Variants in FNIP1 observed in about 807,000 individuals in gnomAD.
The protein encoded by FNIP1 is folliculin interacting protein 1.
A neutral mutation model predicts 124.5 loss-of-function variants in FNIP1; 40 were observed. The observed-to-expected ratio is 0.32, with a 90% CI of 0.25 to 0.42. The LOEUF is 0.42. Ranked by LOEUF, FNIP1 falls within the 10% of genes least tolerant of loss-of-function variation. The probability of loss-of-function intolerance (pLI) is 1.00; values close to 1 mark genes in which losing one functional copy is unlikely to be tolerated. For missense variants in FNIP1, 1,176 were observed against 1,403.7 expected, an observed-to-expected ratio of 0.84 and a Z score of 2.59; for synonymous variants, 472 against 470.6, an observed-to-expected ratio of 1.00 and a Z score of -0.04.
intron 2 of FNIP1, among the ~76,000 whole-genome samples, chr5:131,742,342 T>C (rs1160962705): frequency 1.3e-5 from 2 of 152,070 alleles, no homozygotes; most frequent in East Asian, 3.9e-4. Context: ...TGCACACCTG[T>C]AATCCCAGCT....
intron 1 of FNIP1, among the ~76,000 whole-genome samples, chr5:131,763,180 A>T (rs961192309): frequency 2.6e-5 from 4 of 152,210 alleles, no homozygotes; most frequent in Non-Finnish European, 5.9e-5. Flanking sequence ...GATTGTATGT[A>T]ACACAAAGGG....
chr5:131,677,365 T>G (rs1767941701), intron 13 of FNIP1, among the ~76,000 whole-genome samples: 1 of 152,228 alleles, frequency 6.6e-6, no homozygotes, highest in South Asian at 2.1e-4. Context: ...ACCAGATTGA[T>G]TTTAGGTATC....
At chr5:131,728,141 G>C (rs943260503) in intron 3 of FNIP1, among the ~76,000 whole-genome samples, 1 of 152,152 alleles carries the variant, frequency 6.6e-6, no homozygotes, top group Non-Finnish European at 1.5e-5. Flanking sequence ...TGGTGAATCT[G>C]ACGATTATGT....
rs186054445 is a variant in FNIP1, at chr5:131,721,525, G to A, written c.355-2108C>T. 3.1e-3 allele frequency among the ~76,000 whole-genome samples: 477 copies of A among 152,100 alleles called. 7 individuals are homozygous for A. Among genetic ancestry groups the A allele is most frequent in the Non-Finnish European group, 3.6e-3 (248 of 67,988 alleles). On this transcript the variant is annotated intron_variant, in intron 3 of 17. Coordinates refer to ENST00000510461, the MANE Select transcript of FNIP1 (RefSeq NM_133372.3). Reference sequence around the variant, plus strand: ...TTTTAAAGACTTCCTTGAGGCTAGCGCGGTGGATCACGCTTGTAATACCAG... The same window carrying A: ...TTTTAAAGACTTCCTTGAGGCTAGCACGGTGGATCACGCTTGTAATACCAG...
chr5:131,677,587 T>C, intron 13 of FNIP1, 116 bp downstream of exon 13: 1 of 940,984 alleles, frequency 1.1e-6, no homozygotes, highest in Non-Finnish European at 1.6e-6. Context: ...AAAGCAGAGA[T>C]GCTTTAGAAT....
intron 15 of FNIP1, 104 bp from the exon 16 acceptor site, chr5:131,652,103 T>A: frequency 5.9e-6 from 6 of 1,009,648 alleles, no homozygotes; most frequent in Non-Finnish European, 8.5e-6. Flanking sequence ...GAAAAAAAAA[T>A]TAAACTTCAA....
intron 11 of FNIP1, among the ~76,000 whole-genome samples, chr5:131,681,819 C>G (rs1363580110): frequency 7.5e-6 from 1 of 133,826 alleles, no homozygotes; most frequent in East Asian, 2.3e-4. Context: ...TAAAAGAAAG[C>G]AGAAAAATTA....
rs372972523 is a variant in FNIP1, at chr5:131,704,237, T to C, written c.944A>G (p.Asp315Gly). 7 of 1,612,950 alleles carry C rather than the reference T, an allele frequency of 4.3e-6. No homozygotes were observed. The East Asian group carries it at 8.9e-5, about 21-fold the overall frequency. The change falls in exon 10 of 18, where the codon GAT (aspartate) becomes GGT (glycine). Residue 315 changes from aspartate to glycine, a missense_variant. Asp to Gly is a moderately conservative substitution (Grantham distance 94, BLOSUM62 -1). Around this residue, in one of 2 missense-constraint regions of FNIP1, gnomAD observed 1,109 missense variants for 1,288.5 expected, o/e 0.86. Coordinates refer to ENST00000510461, the MANE Select transcript of FNIP1 (RefSeq NM_133372.3). ...WSIEESFNLS[D>G]ESCGPNPGIV... Reference sequence around the variant, plus strand: ...TCCTGGGTTAGGGCCACAGCTTTCATCTGAGAGATTAAAGCTTTCTTCTAT... The same window carrying C: ...TCCTGGGTTAGGGCCACAGCTTTCACCTGAGAGATTAAAGCTTTCTTCTAT...
chr5:131,651,624 T>C (rs891067530), intron 16 of FNIP1, among the ~76,000 whole-genome samples, 178 bp downstream of exon 16: 1 of 152,152 alleles, frequency 6.6e-6, no homozygotes, highest in African/African-American at 2.4e-5. Context: ...AATCTTACCT[T>C]AGATACCTCC....
chr5:131,673,945 A>C (rs1767839660), intron 13 of FNIP1, among the ~76,000 whole-genome samples: 1 of 152,142 alleles, frequency 6.6e-6, no homozygotes, highest in Admixed American at 6.5e-5. Flanking sequence ...CTGAGGCTGG[A>C]GAATTACTTG....
intron 1 of FNIP1, among the ~76,000 whole-genome samples, chr5:131,750,656 A>G (rs1296105815): frequency 6.7e-6 from 1 of 148,240 alleles, no homozygotes; most frequent in Non-Finnish European, 1.5e-5. Flanking sequence ...TCTGTCTCTC[A>G]GGCTGGGGTG....
chr5:131,767,512 C>T (rs1771478861), intron 1 of FNIP1, among the ~76,000 whole-genome samples: 1 of 149,876 alleles, frequency 6.7e-6, no homozygotes, highest in Non-Finnish European at 1.5e-5. Context: ...TCATTTTGTA[C>T]CAGTTTCTAT....
intron 15 of FNIP1, among the ~76,000 whole-genome samples, chr5:131,668,772 C>G (rs1368844166): frequency 6.6e-6 from 1 of 152,208 alleles, no homozygotes; most frequent in Non-Finnish European, 1.5e-5. Flanking sequence ...TAACTCAACT[C>G]TGCTGTTAGG....
At position 131,703,273 on chromosome 5, in the gene FNIP1, C is replaced by A. The variant is rs553661055; in HGVS notation, c.1116+792G>T. On this transcript the variant is annotated intron_variant, in intron 10 of 17. Coordinates refer to ENST00000510461, the MANE Select transcript of FNIP1 (RefSeq NM_133372.3). ...TCACTAAAGTGGTTTGCGTATTCAT[C>A]ATCTGGATTACTGTAACAGTATGCT... Among the ~76,000 whole-genome samples the A allele has an allele frequency of 1.7e-4, 26 of 152,322 alleles. No individual in the cohort carries two copies. In the South Asian group the frequency reaches 5.4e-3, roughly 32 times the overall value.
rs1767804378 is a variant in FNIP1 at position 131,672,833 on chromosome 5, ATAAAG to A, written c.1606_1610del (p.Leu536PhefsTer10). 1 of 1,613,140 alleles carries A rather than the reference ATAAAG, an allele frequency of 6.2e-7. No individual in the cohort carries two copies. Among genetic ancestry groups the A allele is most frequent in the Non-Finnish European group, 8.5e-7 (1 of 1,179,744 alleles). On this transcript the variant is annotated frameshift_variant, in exon 14 of 18. Coordinates refer to ENST00000510461, the MANE Select transcript of FNIP1 (RefSeq NM_133372.3). LOFTEE classifies it high-confidence loss of function. ...AGCATCTTATAAAATAAGTAAGAAAATAAAGTAGCCTCTGGACCATGTCTTGTCGT... is the reference window on the plus strand; with the variant it reads ...AGCATCTTATAAAATAAGTAAGAAAATAGCCTCTGGACCATGTCTTGTCGT...
Position 131,670,464 on chromosome 5 carries a change from T to A in FNIP1, c.3107A>T (p.Gln1036Leu). 1 of 1,604,068 alleles carries A rather than the reference T, an allele frequency of 6.2e-7. No individual in the cohort carries two copies. Residue 1036 changes from glutamine to leucine, a missense_variant and splice_region_variant, in exon 15 of 18, where the codon CAG (glutamine) becomes CTG (leucine). Gln to Leu is a moderately radical substitution (Grantham distance 113). Around this residue, in one of 2 missense-constraint regions of FNIP1, gnomAD observed 1,109 missense variants for 1,288.5 expected, o/e 0.86. Coordinates refer to ENST00000510461, the MANE Select transcript of FNIP1 (RefSeq NM_133372.3). ...TCAAAAACAGTGAAGGTCACTCACC[T>A]GCACAGCATGAGATAAATCTGACAT... The part of the protein sequence containing the change: ...CLMSDLSHAV[Q>L]HPVLDEPIAE...
chr5:131,690,528 C>G (rs181780797), intron 11 of FNIP1, among the ~76,000 whole-genome samples: 1 of 152,096 alleles, frequency 6.6e-6, no homozygotes, highest in South Asian at 2.1e-4. Flanking sequence ...CCCCTTCGCT[C>G]GGCACTTTTC....
chr5:131,642,568 A>G lies in FNIP1; in HGVS notation c.*2117T>C, dbSNP rs968386178. ...TCCAAGTGCTATACAGAGCTACAAT[A>G]AAAAAAAAAAAAAGTACAAGGCTGG... On this transcript the variant is annotated 3_prime_UTR_variant, in exon 18 of 18. Coordinates refer to ENST00000510461, the MANE Select transcript of FNIP1 (RefSeq NM_133372.3). 1 of 140,512 alleles carries G rather than the reference A, an allele frequency of 7.1e-6. No individual in the cohort carries two copies. Among genetic ancestry groups the G allele is most frequent in the Non-Finnish European group, 1.6e-5 (1 of 63,912 alleles). The allele number at this position is 140,512 out of a possible 1,614,324, so 8.7% of individuals were successfully genotyped here. A position where few individuals can be genotyped will look rare whatever the true frequency, so the allele number is the denominator to read the frequency against.
intron 11 of FNIP1, among the ~76,000 whole-genome samples, chr5:131,684,941 G>T (rs1191335310): frequency 2.6e-5 from 4 of 152,156 alleles, no homozygotes; most frequent in East Asian, 1.9e-4. Flanking sequence ...AAAGAATCCT[G>T]AAGGATTCTT....
Sources: allele counts gnomAD v4.1 joint callset (sites outside exome capture counted in the v4.1 genomes callset), GRCh38; gene constraint gnomAD v4.1.1; regional missense constraint gnomAD v4.1.1; transcripts MANE v1.5; gene names NCBI Gene and HGNC (gene_info 2026-07-23, HGNC 2026-07-21).